Variants in LUZP2 observed in about 807,000 individuals in gnomAD.
LUZP2 encodes leucine zipper protein 2.
Under a neutral mutation model 51.6 loss-of-function variants are expected in LUZP2, and 52 were observed. That is an observed-to-expected ratio of 1.01 (90% CI 0.81 to 1.27). The LOEUF is 1.27. Among genes scored for constraint, LUZP2 ranks in the 50% most tolerant of loss-of-function variants. The pLI is 0.00. For missense variants in LUZP2, 436 were observed against 395.4 expected, an observed-to-expected ratio of 1.10 and a Z score of -0.87; for synonymous variants, 154 against 137.3, an observed-to-expected ratio of 1.12 and a Z score of -0.85.
At chr11:24,524,604 C>G (rs1850738107) in intron 1 of LUZP2, among the ~76,000 whole-genome samples, 1 of 151,776 alleles carries the variant, frequency 6.6e-6, no homozygotes, top group East Asian at 1.9e-4. Flanking sequence ...TCCATTAACT[C>G]TTTTAGATCC....
intron 9 of LUZP2, among the ~76,000 whole-genome samples, chr11:25,031,633 A>T (rs746589258): frequency 5.9e-5 from 9 of 151,928 alleles, no homozygotes; most frequent in Non-Finnish European, 1.0e-4. Context: ...TCTCTTTACT[A>T]TCAGCATTTT....
rs1311567688 is a variant in LUZP2 at position 24,922,839 on chromosome 11, T to A, written c.522+8301T>A. Among the ~76,000 whole-genome samples the A allele has an allele frequency of 4.3e-5, 4 of 92,714 alleles. 1 individual carries two copies. The highest frequency in any genetic ancestry group is 9.6e-5 in the African/African-American group (1 of 10,460). The allele number at this position is 92,714 out of a possible 152,430, so 60.8% of individuals were successfully genotyped here. A position where few individuals can be genotyped will look rare whatever the true frequency, so the allele number is the denominator to read the frequency against. On this transcript the variant is annotated intron_variant, in intron 7 of 11. Coordinates refer to ENST00000336930, the MANE Select transcript of LUZP2 (RefSeq NM_001009909.4). ...CACAGTTATATCTTTTTTTTTTTCT[T>A]TTTTTTTTTTTTTTTTTTTTTTTTT...
chr11:24,912,013 A>G (rs1003815780), intron 6 of LUZP2, among the ~76,000 whole-genome samples: 1 of 152,196 alleles, frequency 6.6e-6, no homozygotes, highest in Admixed American at 6.5e-5. Flanking sequence ...GTGAGAAACC[A>G]TAAATTCTTG....
At chr11:24,630,318 T>A (rs1404172846) in intron 1 of LUZP2, among the ~76,000 whole-genome samples, 1 of 152,078 alleles carries the variant, frequency 6.6e-6, no homozygotes, top group Non-Finnish European at 1.5e-5. Context: ...ACTTTTATAG[T>A]TTCAGGACTT....
chr11:24,940,873 T>C (rs1345229326), intron 7 of LUZP2, among the ~76,000 whole-genome samples: 1 of 152,166 alleles, frequency 6.6e-6, no homozygotes, highest in Non-Finnish European at 1.5e-5. Context: ...TGTGTAGAGA[T>C]AAGGTATGTG....
At chr11:24,566,261 CTAA>C (rs527663828) in intron 1 of LUZP2, among the ~76,000 whole-genome samples, 1 of 150,740 alleles carries the variant, frequency 6.6e-6, no homozygotes, top group South Asian at 2.1e-4. Context: ...AATTCATTAA[CTAA>C]TGACTAGCGA....
intron 5 of LUZP2, among the ~76,000 whole-genome samples, chr11:24,881,458 C>T (rs7948626): frequency 0.49 from 73,939 of 151,654 alleles, 18,495 homozygotes; most frequent in East Asian, 0.69. Flanking sequence ...AATAGAGGTA[C>T]ACCTTTGCAT....
intron 1 of LUZP2, among the ~76,000 whole-genome samples, chr11:24,527,995 A>G (rs867612488): frequency 3.0e-4 from 46 of 151,366 alleles, no homozygotes; most frequent in Middle Eastern, 6.8e-3. Flanking sequence ...CTGGACATCC[A>G]TTCCTGGTAA....
At chr11:24,916,402 G>A (rs890021285) in intron 7 of LUZP2, among the ~76,000 whole-genome samples, 3 of 151,862 alleles carry the variant, frequency 2.0e-5, no homozygotes, top group Non-Finnish European at 2.9e-5. Context: ...TTGTTACTAT[G>A]TATACATGTG....
rs1259068790 is a variant in LUZP2 at position 24,786,273 on chromosome 11, A to G, written c.396+22965A>G. 6 of 973,610 alleles carry G rather than the reference A, an allele frequency of 6.2e-6. No homozygotes were observed. The African/African-American group carries it at 1.1e-4, about 17-fold the overall frequency. The allele number at this position is 973,610 out of a possible 1,614,324, so 60.3% of individuals were successfully genotyped here. A position where few individuals can be genotyped will look rare whatever the true frequency, so the allele number is the denominator to read the frequency against. ...CATGCATGTTTGATATAAAAATTATAAAATACAGGAACATAGAAAATAGTA... is the reference window on the plus strand; with the variant it reads ...CATGCATGTTTGATATAAAAATTATGAAATACAGGAACATAGAAAATAGTA... On this transcript the variant is annotated intron_variant, in intron 5 of 11. Coordinates refer to ENST00000336930, the MANE Select transcript of LUZP2 (RefSeq NM_001009909.4).
intron 5 of LUZP2, among the ~76,000 whole-genome samples, chr11:24,763,885 T>C (rs1420753851): frequency 1.3e-5 from 2 of 152,192 alleles, no homozygotes; most frequent in African/African-American, 4.8e-5. Context: ...TCATTTCCTT[T>C]TTATTAAATG....
intron 4 of LUZP2, among the ~76,000 whole-genome samples, chr11:24,750,880 A>G (rs529142733): frequency 2.9e-4 from 44 of 152,296 alleles, no homozygotes; most frequent in African/African-American, 9.9e-4. Flanking sequence ...ATATATATTC[A>G]TACTTTCTAC....
At chr11:25,007,978 A>C (rs1856879711) in intron 9 of LUZP2, among the ~76,000 whole-genome samples, 1 of 152,230 alleles carries the variant, frequency 6.6e-6, no homozygotes, top group Admixed American at 6.5e-5. Flanking sequence ...TTGATGCTGT[A>C]TAATTAACAA....
chr11:24,796,632 GA>G (rs1166214430), intron 5 of LUZP2, among the ~76,000 whole-genome samples: 1 of 151,500 alleles, frequency 6.6e-6, no homozygotes, highest in Non-Finnish European at 1.5e-5. Context: ...GCTGGCTTGT[GA>G]TAAGACTGCT....
intron 1 of LUZP2, among the ~76,000 whole-genome samples, chr11:24,720,800 G>A (rs1012842883): frequency 6.6e-6 from 1 of 152,140 alleles, no homozygotes; most frequent in South Asian, 2.1e-4. Flanking sequence ...CCGGGTTCAC[G>A]CCATTGTCCT....
At chr11:25,013,893 T>A (rs750456993) in intron 9 of LUZP2, among the ~76,000 whole-genome samples, 150 of 152,068 alleles carry the variant, frequency 9.9e-4, no homozygotes, top group Non-Finnish European at 1.6e-3. Context: ...ATGCTATCCC[T>A]CCCCTGTCCC....
chr11:24,932,421 C>T lies in LUZP2; in HGVS notation c.522+17883C>T, dbSNP rs79162323. Among the ~76,000 whole-genome samples, 566 of 152,112 alleles carry T rather than the reference C, an allele frequency of 3.7e-3. 3 individuals are homozygous for T. Among genetic ancestry groups the T allele is most frequent in the South Asian group, 0.016 (77 of 4,814 alleles). Reference sequence around the variant, plus strand: ...AGGGGGTAGAGAAAGACCTTCAGGTCGGGGGCAGGTTTAGGCCTGTTTGAG... The same window carrying T: ...AGGGGGTAGAGAAAGACCTTCAGGTTGGGGGCAGGTTTAGGCCTGTTTGAG... On this transcript the variant is annotated intron_variant, in intron 7 of 11. Transcript: ENST00000336930.
chr11:24,672,955 A>C (rs73434997), intron 1 of LUZP2, among the ~76,000 whole-genome samples: 7,769 of 152,252 alleles, frequency 0.051, 638 homozygotes, highest in African/African-American at 0.17. Context: ...CCGTGGCATT[A>C]GATACTCATA....
intron 1 of LUZP2, among the ~76,000 whole-genome samples, chr11:24,728,272 T>G (rs1045514743): frequency 1.1e-4 from 16 of 151,852 alleles, no homozygotes. Context: ...ATAGCTCCCT[T>G]CTACACTTAT....
Sources: gnomAD v4.1 joint callset for allele counts (sites outside exome capture counted in the v4.1 genomes callset) on GRCh38, gnomAD v4.1.1 for gene constraint, MANE v1.5 for transcripts, NCBI Gene and HGNC (gene_info 2026-07-23, HGNC 2026-07-21) for gene names.